The following PHLPP2 variants were observed in gnomAD, a reference collection of about 807,000 sequenced individuals.
PHLPP2 encodes PH domain and leucine rich repeat protein phosphatase 2.
Under a neutral mutation model 124.9 loss-of-function variants are expected in PHLPP2, and 66 were observed. That is an observed-to-expected ratio of 0.53 (90% CI 0.43 to 0.65). The LOEUF (loss-of-function observed/expected upper bound fraction) is 0.65. PHLPP2 is among the 30% of genes least tolerant of loss of function. The pLI is 0.00. For missense variants in PHLPP2, 1,685 were observed against 1,600.4 expected (o/e 1.05, Z -0.90); for synonymous variants, 681 against 624.7 (o/e 1.09, Z -1.34).
At position 71,702,630 on chromosome 16, in the gene PHLPP2, G is replaced by C. The variant is rs543129978; in HGVS notation, c.386C>G (p.Pro129Arg). The stretch of plus-strand genomic sequence containing the variant: ...AAATCGAATCATACAGCCGAGGTCA[G>C]GATTTGTAGCCTCCTCCTGTATGCG... The part of the protein sequence containing the change: ...PVRIQEEATN[P>R]DLGCMIRFYG... Residue 129 changes from proline to arginine, a missense_variant, in exon 3 of 19, where the codon CCT becomes CGT. Transcript: ENST00000568954. 396 of 1,611,030 alleles carry C rather than the reference G, an allele frequency of 2.5e-4. 6 individuals are homozygous for C. The South Asian group carries it at 4.1e-3, about 17-fold the overall frequency.
chr16:71,690,332 A>G (rs1366605792), intron 4 of PHLPP2, among the ~76,000 whole-genome samples, 187 bp downstream of exon 4: 1 of 152,196 alleles, frequency 6.6e-6, no homozygotes. Flanking sequence ...TCTTGAACAG[A>G]TAGTTCTGCA....
At chr16:71,691,540 T>G (rs2045113644) in intron 3 of PHLPP2, among the ~76,000 whole-genome samples, 1 of 151,722 alleles carries the variant, frequency 6.6e-6, no homozygotes, top group South Asian at 2.1e-4. Context: ...AAGCATAGTT[T>G]TAGGTACAAA....
rs539156010 is a variant in PHLPP2 at position 71,655,759 on chromosome 16, G to A, written c.2391-325C>T. Among the ~76,000 whole-genome samples, 3 of 151,752 alleles carry A rather than the reference G, an allele frequency of 2.0e-5. No homozygotes were observed. The South Asian group carries it at 6.3e-4, about 32-fold the overall frequency. On this transcript the variant is annotated intron_variant, in intron 16 of 18. Coordinates refer to ENST00000568954, the MANE Select transcript of PHLPP2 (RefSeq NM_015020.3). ...CCCACCTTGGCCTCCCAAAGTCCTG[G>A]GATTACAGGTGTGAGCCACCGCGCC...
intron 16 of PHLPP2, 127 bp downstream of exon 16, chr16:71,656,444 C>T (rs770075998): frequency 1.5e-5 from 9 of 608,290 alleles, no homozygotes; most frequent in Non-Finnish European, 2.4e-5. Context: ...TTATCTGACG[C>T]TGATGTTCTA....
intron 10 of PHLPP2, among the ~76,000 whole-genome samples, chr16:71,670,294 A>G (rs554834058): frequency 2.0e-5 from 3 of 152,336 alleles, no homozygotes; most frequent in Non-Finnish European, 4.4e-5. Context: ...CGTCCAATGA[A>G]GTATAGCAGA....
chr16:71,662,122 T>G (rs2044797428), intron 13 of PHLPP2, among the ~76,000 whole-genome samples: 1 of 151,348 alleles, frequency 6.6e-6, no homozygotes, highest in Admixed American at 6.6e-5. Flanking sequence ...ACGCCCGGCC[T>G]CTACAAGTAA....
chr16:71,669,923 AG>A (rs1263692528), intron 10 of PHLPP2, among the ~76,000 whole-genome samples: 1 of 152,220 alleles, frequency 6.6e-6, no homozygotes, highest in Non-Finnish European at 1.5e-5. Flanking sequence ...CAGCTTCTCT[AG>A]GCCTCAAGGT....
chr16:71,678,504 G>A (rs772328738), intron 8 of PHLPP2: 116 of 406,018 alleles, frequency 2.9e-4, no homozygotes, highest in Middle Eastern at 7.1e-4. Context: ...GCCAGGCCTC[G>A]TGGTGCGCAC....
At chr16:71,699,249 G>A (rs1466787831) in intron 3 of PHLPP2, among the ~76,000 whole-genome samples, 1 of 152,170 alleles carries the variant, frequency 6.6e-6, no homozygotes. Context: ...CCTGAAACCT[G>A]TGGCCCAAAG....
chr16:71,652,819 C>G lies in PHLPP2; in HGVS notation c.2788G>C (p.Val930Leu), dbSNP rs753860594. Residue 930 changes from valine to leucine, a missense_variant, in exon 18 of 19, where the codon GTG becomes CTG. By Grantham distance (32) the Val-to-Leu change is conservative. Transcript: ENST00000568954. ...GTGATGATGGCTTTTTGGTCCTTCA[C>G]CCTTTGAGCCTCCTCTGGGTCCTGC... ...LEQDPEEAQR[V>L]KDQKAIITED... The G allele has an allele frequency of 6.2e-7, 1 of 1,614,044 alleles. No homozygotes were observed. The highest frequency in any genetic ancestry group is 8.5e-7 in the Non-Finnish European group (1 of 1,179,920).
intron 2 of PHLPP2, among the ~76,000 whole-genome samples, chr16:71,705,281 G>C (rs969418894): frequency 6.6e-6 from 1 of 152,192 alleles, no homozygotes; most frequent in African/African-American, 2.4e-5. Flanking sequence ...CTACAGTTCA[G>C]TGTATTTAAA....
In PHLPP2 at chr16:71,676,789, C is replaced by A. The variant is rs529267789; in HGVS notation, c.1269-140G>T. On this transcript the variant is annotated intron_variant, in intron 8 of 18. Transcript: ENST00000568954. ...TTTGAGATGGAGTTTCACTGTGTTGCGCAGGCTGGAGTGCAATGGCGTGAT... is the reference window on the plus strand; with the variant it reads ...TTTGAGATGGAGTTTCACTGTGTTGAGCAGGCTGGAGTGCAATGGCGTGAT... 19 of 645,574 alleles carry A rather than the reference C, an allele frequency of 2.9e-5. No individual in the cohort carries two copies. In the Admixed American group the frequency reaches 4.5e-4, roughly 15 times the overall value. 40.0% of individuals were successfully genotyped at this position (645,574 alleles called of 1,614,324 possible). A position where few individuals can be genotyped will look rare whatever the true frequency, so the allele number is the denominator to read the frequency against.
At chr16:71,692,233 C>T (rs34358623) in intron 3 of PHLPP2, among the ~76,000 whole-genome samples, 39,436 of 151,804 alleles carry the variant, frequency 0.26, 5,308 homozygotes, top group Non-Finnish European at 0.3. Flanking sequence ...ACACGCCCGG[C>T]TAATATTTTG....
intron 8 of PHLPP2, chr16:71,677,136 G>T: frequency 6.2e-6 from 1 of 161,112 alleles, no homozygotes; most frequent in Non-Finnish European, 1.4e-5. Flanking sequence ...AATAACTCAA[G>T]GTACAGCTAA....
intron 4 of PHLPP2, 66 bp from the exon 5 acceptor site, chr16:71,684,667 G>A: frequency 7.0e-7 from 1 of 1,434,216 alleles, no homozygotes; most frequent in Non-Finnish European, 9.5e-7. Flanking sequence ...AAAGCAAAAG[G>A]CAATCACAAG....
rs1477876648 is a variant in PHLPP2 at position 71,678,373 on chromosome 16, G to A, written c.1268+382C>T. Reference sequence around the variant, plus strand: ...AAACCTAAAGTTATGGGCCAGGTGCGGTGGCTGTAATCCCAGCACTTTGGG... The same window carrying A: ...AAACCTAAAGTTATGGGCCAGGTGCAGTGGCTGTAATCCCAGCACTTTGGG... On this transcript the variant is annotated intron_variant, in intron 8 of 18. Transcript: ENST00000568954. 11 of 188,706 alleles carry A rather than the reference G, an allele frequency of 5.8e-5. No homozygotes were observed. In the South Asian group the frequency reaches 6.1e-4, roughly 10 times the overall value. The allele number at this position is 188,706 out of a possible 1,614,324, so 11.7% of individuals were successfully genotyped here.
intron 2 of PHLPP2, among the ~76,000 whole-genome samples, chr16:71,709,425 T>C (rs2045309155): frequency 6.6e-6 from 1 of 152,184 alleles, no homozygotes; most frequent in Non-Finnish European, 1.5e-5. Flanking sequence ...TCTTCTCATC[T>C]GGTTAATGAA....
chr16:71,649,937 A>C lies in PHLPP2; in HGVS notation c.2925T>G (p.Ile975Met), dbSNP rs558747968. The change falls in exon 19 of 19, where the codon ATT (isoleucine) becomes ATG (methionine). Residue 975 changes from isoleucine (I) to methionine (M), a missense_variant. Ile to Met is a conservative substitution (Grantham distance 10). Coordinates refer to ENST00000568954, the MANE Select transcript of PHLPP2 (RefSeq NM_015020.3). ...TTCCCAGAATCAGCAACTCATCTTG[A>C]ATGGTCAGCGGAGTGGAAGATATGT... ...KPHISSTPLTIQDELLILGNK... is the reference protein window; with the variant it reads ...KPHISSTPLTMQDELLILGNK... 1 of 1,614,134 alleles carries C rather than the reference A, an allele frequency of 6.2e-7. No homozygotes were observed. Among genetic ancestry groups the C allele is most frequent in the African/African-American group, 1.3e-5 (1 of 75,028 alleles).
At chr16:71,680,201 T>A (rs1254796928) in intron 6 of PHLPP2, among the ~76,000 whole-genome samples, 1 of 152,212 alleles carries the variant, frequency 6.6e-6, no homozygotes, top group Non-Finnish European at 1.5e-5. Context: ...AATTTCTACA[T>A]GTAATATACA....
Sources: allele counts gnomAD v4.1 joint callset (sites outside exome capture counted in the v4.1 genomes callset), GRCh38; gene constraint gnomAD v4.1.1; transcripts MANE v1.5; gene names NCBI Gene and HGNC (gene_info 2026-07-23, HGNC 2026-07-21).